Variants in NBEA observed in about 807,000 individuals in gnomAD.
NBEA encodes the protein neurobeachin.
A neutral mutation model predicts 343.4 loss-of-function variants in NBEA; 44 were observed. That is an observed-to-expected ratio of 0.13 (90% CI 0.10 to 0.16). The LOEUF (loss-of-function observed/expected upper bound fraction) is 0.16. NBEA is among the 10% of genes least tolerant of loss of function. NBEA has a pLI of 1.00. For synonymous variants in NBEA, 1,175 were observed against 1,238.7 expected (o/e 0.95, Z 1.08); for missense variants, 2,555 against 3,631.3 (o/e 0.70, Z 7.62).
At chr13:35,174,144 G>A (rs1053642889) in intron 27 of NBEA, among the ~76,000 whole-genome samples, 2 of 152,008 alleles carry the variant, frequency 1.3e-5, no homozygotes, top group Non-Finnish European at 1.5e-5. Context: ...CCTTGCTTGT[G>A]CTGTTTTAGT....
chr13:35,448,201 G>T (rs1009064762), intron 39 of NBEA, among the ~76,000 whole-genome samples: 3 of 152,068 alleles, frequency 2.0e-5, no homozygotes, highest in Non-Finnish European at 4.4e-5. Context: ...GGATAAAATT[G>T]AAAGCTTGAT....
intron 28 of NBEA, 51 bp downstream of exon 28, chr13:35,177,154 G>T (rs185888220): frequency 5.9e-6 from 8 of 1,349,924 alleles, no homozygotes; most frequent in South Asian, 1.3e-5. Context: ...ACTGTCATTC[G>T]TATGAAATAC....
intron 46 of NBEA, among the ~76,000 whole-genome samples, chr13:35,587,309 GT>G (rs1396301979): frequency 1.3e-5 from 2 of 152,162 alleles, no homozygotes; most frequent in South Asian, 4.1e-4. Context: ...GTCAATTTGA[GT>G]TCATCAGGTT....
intron 10 of NBEA, among the ~76,000 whole-genome samples, chr13:35,086,014 A>G (rs2064740502): frequency 6.6e-6 from 1 of 152,138 alleles, no homozygotes; most frequent in Non-Finnish European, 1.5e-5. Flanking sequence ...TAGGAATCCA[A>G]CTTGCAAGGG....
rs796868974 is a variant in NBEA at position 35,328,189 on chromosome 13, A to G, written c.5903+18597A>G. Among the ~76,000 whole-genome samples, 59 of 152,164 alleles carry G rather than the reference A, an allele frequency of 3.9e-4. 1 individual carries two copies. The highest frequency in any genetic ancestry group is 1.3e-3 in the African/African-American group (56 of 41,558). On this transcript the variant is annotated intron_variant, in intron 36 of 58. Coordinates refer to ENST00000379939, the MANE Select transcript of NBEA (RefSeq NM_001385012.1). ...AGCAAAGTCACAGGATACAGGACCA[A>G]TATTCAAAATCAGTTATAATAACAA...
At chr13:35,031,211 A>G (rs976794686) in intron 1 of NBEA, among the ~76,000 whole-genome samples, 3 of 151,608 alleles carry the variant, frequency 2.0e-5, no homozygotes, top group East Asian at 1.9e-4. Context: ...TTGTTTTTAT[A>G]TAGTTTATTT....
At chr13:35,526,418 C>T (rs531317630) in intron 41 of NBEA, among the ~76,000 whole-genome samples, 1 of 152,278 alleles carries the variant, frequency 6.6e-6, no homozygotes, top group Admixed American at 6.5e-5. Flanking sequence ...GGTCGAGGCC[C>T]GTGGATCACT....
intron 1 of NBEA, among the ~76,000 whole-genome samples, chr13:35,000,026 T>G (rs2061074033): frequency 1.3e-5 from 2 of 152,152 alleles, no homozygotes; most frequent in Non-Finnish European, 2.9e-5. Context: ...CAACAGATTA[T>G]CTGCAGCAAA....
intron 41 of NBEA, among the ~76,000 whole-genome samples, chr13:35,541,529 C>G (rs1291196709): frequency 1.3e-5 from 2 of 152,090 alleles, no homozygotes; most frequent in Non-Finnish European, 2.9e-5. Context: ...AGACTGGTAG[C>G]TGGTGTCCCA....
At chr13:35,195,057 G>A (rs572732768) in intron 30 of NBEA, among the ~76,000 whole-genome samples, 4 of 152,008 alleles carry the variant, frequency 2.6e-5, no homozygotes, top group South Asian at 2.1e-4. Context: ...AGAATTTTAC[G>A]TATTGTAATT....
chr13:35,166,345 C>G (rs1055230595), intron 24 of NBEA, among the ~76,000 whole-genome samples: 1 of 152,014 alleles, frequency 6.6e-6, no homozygotes, highest in African/African-American at 2.4e-5. Context: ...TACTATTGCA[C>G]CAGTCAAATT....
chr13:35,301,084 A>G (rs190048069), intron 35 of NBEA, among the ~76,000 whole-genome samples: 5 of 152,294 alleles, frequency 3.3e-5, no homozygotes, highest in Admixed American at 2.6e-4. Flanking sequence ...AATATTTTAT[A>G]GTCCCTTTTC....
At chr13:35,368,891 AT>A (rs571500454) in intron 38 of NBEA, among the ~76,000 whole-genome samples, 1 of 151,594 alleles carries the variant, frequency 6.6e-6, no homozygotes, top group Non-Finnish European at 1.5e-5. Flanking sequence ...AGTTCAGTAT[AT>A]TTTTTTCTTT....
intron 44 of NBEA, among the ~76,000 whole-genome samples, chr13:35,561,347 T>C (rs1197672280): frequency 6.6e-6 from 1 of 152,132 alleles, no homozygotes; most frequent in Non-Finnish European, 1.5e-5. Context: ...TAAAGAGAAG[T>C]GTTACAGAAT....
chr13:35,354,618 A>G (rs2040391870), intron 38 of NBEA, among the ~76,000 whole-genome samples: 1 of 152,092 alleles, frequency 6.6e-6, no homozygotes, highest in Non-Finnish European at 1.5e-5. Flanking sequence ...AAAAACCACA[A>G]TATTTTTATG....
intron 6 of NBEA, among the ~76,000 whole-genome samples, chr13:35,052,191 CTT>C (rs1195558430): frequency 6.6e-6 from 1 of 151,976 alleles, no homozygotes; most frequent in Non-Finnish European, 1.5e-5. Context: ...AATTCATTCT[CTT>C]GTTTATTCCT....
rs535890629 is a variant in NBEA, at chr13:35,580,974, C to T, written c.7036-2924C>T. Among the ~76,000 whole-genome samples the T allele has an allele frequency of 2.0e-5, 3 of 152,110 alleles. No homozygotes were observed. In the South Asian group the frequency reaches 6.2e-4, roughly 31 times the overall value. On this transcript the variant is annotated intron_variant, in intron 45 of 58. Transcript: ENST00000379939. ...GAAAAAGATTAGAGGAAGAGACATG[C>T]TCCTTTTTAAAGAATGTTTTGTGAG...
intron 35 of NBEA, 71 bp from the exon 36 acceptor site, chr13:35,309,457 G>T: frequency 2.5e-6 from 2 of 786,784 alleles, no homozygotes; most frequent in South Asian, 1.7e-5. Context: ...ATATCAACAT[G>T]ATCCTTAAAC....
intron 49 of NBEA, among the ~76,000 whole-genome samples, chr13:35,635,002 G>A (rs1283685939): frequency 6.7e-6 from 1 of 148,586 alleles, no homozygotes; most frequent in African/African-American, 2.6e-5. Flanking sequence ...AGATAGATGT[G>A]TCTTTAACCA....
Sources: gnomAD v4.1 joint callset for allele counts (sites outside exome capture counted in the v4.1 genomes callset) on GRCh38, gnomAD v4.1.1 for gene constraint, MANE v1.5 for transcripts, NCBI Gene and HGNC (gene_info 2026-07-23, HGNC 2026-07-21) for gene names.